MGAT4A: variants seen among roughly 807,000 people sequenced by gnomAD.
MGAT4A encodes N-acetylglucosaminyltransferase IVa.
MGAT4A carries 33 observed loss-of-function variants against 74.1 expected under a neutral mutation model. The observed-to-expected ratio is 0.45, with a 90% CI of 0.34 to 0.60. The LOEUF is 0.60. Ranked by LOEUF, MGAT4A falls within the 20% of genes least tolerant of loss-of-function variation. The probability of loss-of-function intolerance (pLI) is 0.02; values close to 1 mark genes in which losing one functional copy is unlikely to be tolerated. For synonymous variants in MGAT4A, 198 were observed against 210.4 expected, an observed-to-expected ratio of 0.94 and a Z score of 0.51; for missense variants, 479 against 628.3, an observed-to-expected ratio of 0.76 and a Z score of 2.54.
chr2:98,631,912 C>T (rs1049225051), intron 14 of MGAT4A, among the ~76,000 whole-genome samples: 2 of 151,826 alleles, frequency 1.3e-5, no homozygotes, highest in African/African-American at 4.8e-5. Context: ...GAGGTCAACA[C>T]CAGCCTGGCC....
chr2:98,718,531 C>G (rs146353697), intron 2 of MGAT4A, among the ~76,000 whole-genome samples: 8 of 152,156 alleles, frequency 5.3e-5, no homozygotes, highest in Admixed American at 2.0e-4. Context: ...ATCATTCCCC[C>G]CTCTTTTCTC....
At chr2:98,671,943 CAAAAAAAA>C (rs59955000) in intron 4 of MGAT4A, among the ~76,000 whole-genome samples, 3 of 28,616 alleles carry the variant, frequency 1.0e-4, no homozygotes, top group South Asian at 2.3e-3. Context: ...GTGGAAAAGG[CAAAAAAAA>C]AAAAAAAAAA....
intron 4 of MGAT4A, among the ~76,000 whole-genome samples, chr2:98,674,624 T>G (rs1249434676): frequency 6.6e-6 from 1 of 152,154 alleles, no homozygotes; most frequent in African/African-American, 2.4e-5. Context: ...CCATAAAAAG[T>G]TACATAAAAG....
chr2:98,656,224 A>C, intron 7 of MGAT4A, 128 bp downstream of exon 7: 1 of 725,976 alleles, frequency 1.4e-6, no homozygotes, highest in African/African-American at 1.8e-5. Flanking sequence ...TCCTGGACTT[A>C]ATGAGACTTA....
intron 2 of MGAT4A, among the ~76,000 whole-genome samples, chr2:98,716,550 AGAGGTTGCGGT>A (rs1317722370): frequency 1.3e-5 from 2 of 152,180 alleles, no homozygotes; most frequent in African/African-American, 4.8e-5. Flanking sequence ...CCCAGTGGGC[AGAGGTTGCGGT>A]GAGCCAAGAT....
At chr2:98,663,206 A>T (rs1239670945) in intron 4 of MGAT4A, 27 bp from the exon 5 acceptor site, 2 of 1,557,466 alleles carry the variant, frequency 1.3e-6, no homozygotes, top group East Asian at 4.5e-5. Flanking sequence ...TAATTATATT[A>T]AAAAACTGTA....
intron 2 of MGAT4A, among the ~76,000 whole-genome samples, chr2:98,687,366 A>G (rs1249142026): frequency 6.6e-6 from 1 of 152,192 alleles, no homozygotes; most frequent in Non-Finnish European, 1.5e-5. Context: ...CATTAGAACT[A>G]TCTTTAACTA....
Position 98,625,131 on chromosome 2 carries a change from AT to A in MGAT4A, c.*434del, listed in dbSNP as rs1379857775. The A allele has an allele frequency of 1.2e-5, 10 of 823,786 alleles. No individual in the cohort carries two copies. The highest frequency in any genetic ancestry group is 1.9e-5 in the African/African-American group (1 of 53,742). 51.0% of individuals were successfully genotyped at this position (823,786 alleles called of 1,614,324 possible). On this transcript the variant is annotated 3_prime_UTR_variant, in exon 16 of 16. Coordinates refer to ENST00000393487, the MANE Select transcript of MGAT4A (RefSeq NM_012214.3). ...GTTTCTAATAAATTAATTCCATAACATTTTTATGTATATTTATATATTTATA... is the reference window on the plus strand; with the variant it reads ...GTTTCTAATAAATTAATTCCATAACATTTTATGTATATTTATATATTTATA...
intron 2 of MGAT4A, among the ~76,000 whole-genome samples, chr2:98,720,929 A>G (rs1445770469): frequency 6.6e-6 from 1 of 152,210 alleles, no homozygotes; most frequent in Non-Finnish European, 1.5e-5. Flanking sequence ...GAAGAACAAT[A>G]AGCTATTCAT....
chr2:98,678,404 T>A lies in MGAT4A; in HGVS notation c.162A>T (p.Arg54Ser). ...TTAATTCAGAAGAGCGCTGTGAGAT[T>A]CTGTGTTCAGCTATTCGAAGACGTT... ...LKERLRIAEH[R>S]ISQRSSELNT... Residue 54 changes from arginine to serine, a missense_variant, in exon 3 of 16, where the codon AGA (arginine) becomes AGT (serine). Arg to Ser is a moderately radical substitution (Grantham distance 110). This residue lies in a region of MGAT4A where 205 missense variants were observed against 232.7 expected (regional missense o/e 0.88). Transcript: ENST00000393487. The A allele has an allele frequency of 6.3e-7, 1 of 1,595,584 alleles. No homozygotes were observed. Among genetic ancestry groups the A allele is most frequent in the Non-Finnish European group, 8.6e-7 (1 of 1,167,576 alleles).
rs1375036482 is a variant in MGAT4A, at chr2:98,674,975, T to C, written c.403+60A>G. 7.7e-6 allele frequency: 12 copies of C among 1,555,136 alleles called. 1 individual carries two copies. The highest frequency in any genetic ancestry group is 4.1e-5 in the Admixed American group (2 of 49,126). ...CCCAGACTTCTGATGGTCAACATAA[T>C]AGTCCAAAACACATTTAACAGCAGT... is the stretch of plus-strand genomic sequence containing the variant. On this transcript the variant is annotated intron_variant, in intron 4 of 15. Transcript: ENST00000393487.
At chr2:98,650,648 T>C (rs115393457) in intron 8 of MGAT4A, among the ~76,000 whole-genome samples, 1,991 of 152,180 alleles carry the variant, frequency 0.013, 11 homozygotes, top group African/African-American at 0.019. Context: ...TCTGACAAAA[T>C]TGTAATTCAA....
chr2:98,697,244 C>T (rs1702288314), intron 2 of MGAT4A, among the ~76,000 whole-genome samples: 1 of 152,134 alleles, frequency 6.6e-6, no homozygotes, highest in Non-Finnish European at 1.5e-5. Flanking sequence ...ACTCAAACAC[C>T]CAGCAACTTG....
rs1389844693 is a variant in MGAT4A at position 98,652,522 on chromosome 2, G to C, written c.774+2923C>G. ...AATTTTTTGTATTTTTAGTAGAGACGGAGTTTCACCGTGTTAGCCAGGATG... is the reference window on the plus strand; with the variant it reads ...AATTTTTTGTATTTTTAGTAGAGACCGAGTTTCACCGTGTTAGCCAGGATG... On this transcript the variant is annotated intron_variant, in intron 8 of 15. Transcript: ENST00000393487. 5.3e-5 allele frequency among the ~76,000 whole-genome samples: 8 copies of C among 152,122 alleles called. No homozygotes were observed. The East Asian group carries it at 1.5e-3, about 29-fold the overall frequency.
intron 2 of MGAT4A, among the ~76,000 whole-genome samples, chr2:98,680,476 A>C (rs756117205): frequency 6.6e-6 from 1 of 152,216 alleles, no homozygotes; most frequent in African/African-American, 2.4e-5. Context: ...CCCTTACATA[A>C]AGATCCTTAC....
Position 98,726,341 on chromosome 2 carries a change from A to C in MGAT4A, c.-9T>G, listed in dbSNP as rs1401275243. 6.2e-7 allele frequency: 1 copy of C among 1,609,808 alleles called. No individual in the cohort carries two copies. Among genetic ancestry groups the C allele is most frequent in the Non-Finnish European group, 8.5e-7 (1 of 1,176,452 alleles). ...CCATTGCGGAGCCTCATCTCATTTC[A>C]CCATCACACTGGTCCATATGTTTAT... On this transcript the variant is annotated 5_prime_UTR_variant, in exon 2 of 16. Transcript: ENST00000393487.
rs757731668 is a variant in MGAT4A, at chr2:98,636,542, G to C, written c.1376C>G (p.Thr459Arg). ...CTTAAAAGGCAAAACTTCCACAGTTGTGTTTAGCAGAATATCTCCAGGATG... is the reference window on the plus strand; with the variant it reads ...CTTAAAAGGCAAAACTTCCACAGTTCTGTTTAGCAGAATATCTCCAGGATG... The part of the protein sequence containing the change: ...QEHPGDILLN[T>R]TVEVLPFKSE... The change falls in exon 13 of 16, where the codon ACA becomes AGA. Residue 459 changes from threonine to arginine, a missense_variant. Thr to Arg is a moderately conservative substitution (Grantham distance 71). This residue lies in a region of MGAT4A where 236 missense variants were observed against 308.2 expected (regional missense o/e 0.77). Transcript: ENST00000393487. 1.6e-5 allele frequency: 26 copies of C among 1,613,730 alleles called. No homozygotes were observed. Among genetic ancestry groups the C allele is most frequent in the Non-Finnish European group, 5.1e-6 (6 of 1,179,752 alleles).
chr2:98,634,224 T>A (rs1171755171), intron 14 of MGAT4A, among the ~76,000 whole-genome samples: 1 of 152,074 alleles, frequency 6.6e-6, no homozygotes, highest in Non-Finnish European at 1.5e-5. Context: ...AGAACGGAGC[T>A]ATGGAACAAC....
intron 2 of MGAT4A, 118 bp downstream of exon 2, chr2:98,726,121 C>A: frequency 1.6e-6 from 1 of 620,130 alleles, no homozygotes; most frequent in Non-Finnish European, 2.8e-6. Context: ...AAAGAAACTG[C>A]CAGCAGATAG....
Sources: allele counts gnomAD v4.1 joint callset (sites outside exome capture counted in the v4.1 genomes callset), GRCh38; gene constraint gnomAD v4.1.1; regional missense constraint gnomAD v4.1.1; transcripts MANE v1.5; gene names NCBI Gene and HGNC (gene_info 2026-07-23, HGNC 2026-07-21).